The following CRYBG3 variants were observed in gnomAD, a reference collection of about 807,000 sequenced individuals.
CRYBG3 encodes the protein crystallin beta-gamma domain containing 3.
A neutral mutation model predicts 244.2 loss-of-function variants in CRYBG3; 127 were observed. That is an observed-to-expected ratio of 0.52 (90% CI 0.45 to 0.60). The LOEUF is 0.60. Among genes scored for constraint, CRYBG3 ranks in the 20% least tolerant of loss-of-function variants. CRYBG3 has a pLI of 0.00. For synonymous variants in CRYBG3, 1,132 were observed against 1,195.8 expected (o/e 0.95, Z 1.10); for missense variants, 3,325 against 3,442.5 (o/e 0.97, Z 0.85).
intron 1 of CRYBG3, among the ~76,000 whole-genome samples, chr3:97,824,935 G>C (rs2038558935): frequency 6.6e-6 from 1 of 152,178 alleles, no homozygotes; most frequent in Non-Finnish European, 1.5e-5. Flanking sequence ...AGTGATAGGG[G>C]AGACCAGGAA....
intron 19 of CRYBG3, 74 bp from the exon 20 acceptor site, chr3:97,941,074 A>G: frequency 7.7e-7 from 1 of 1,304,838 alleles, no homozygotes; most frequent in African/African-American, 1.5e-5. Flanking sequence ...TTTCCCTCCC[A>G]GCTTTCCTCC....
rs1016598781 is a variant in CRYBG3 at position 97,943,640 on chromosome 3, C to T, written c.*326C>T. The T allele has an allele frequency of 6.6e-5, 18 of 273,854 alleles. No homozygotes were observed. The highest frequency in any genetic ancestry group is 3.5e-4 in the African/African-American group (15 of 43,304). 17.0% of individuals were successfully genotyped at this position (273,854 alleles called of 1,614,324 possible). A position where few individuals can be genotyped will look rare whatever the true frequency, so the allele number is the denominator to read the frequency against. On this transcript the variant is annotated 3_prime_UTR_variant, in exon 22 of 22. Transcript: ENST00000389622. Reference sequence around the variant, plus strand: ...AACGTGAATCCTGTTCCTGATGGCCCGTTATTGGACACTGGTGATGCTATT... The same window carrying T: ...AACGTGAATCCTGTTCCTGATGGCCTGTTATTGGACACTGGTGATGCTATT...
chr3:97,880,023 A>G lies in CRYBG3; in HGVS notation c.6927A>G (p.Gln2309=), dbSNP rs774456851. 32 of 1,598,358 alleles carry G rather than the reference A, an allele frequency of 2.0e-5. No homozygotes were observed. Among genetic ancestry groups the G allele is most frequent in the Non-Finnish European group, 2.7e-5 (31 of 1,168,536 alleles). Residue 2309 remains glutamine, a synonymous_variant, in exon 6 of 22, where the codon CAA becomes CAG. Coordinates refer to ENST00000389622, the MANE Select transcript of CRYBG3 (RefSeq NM_153605.4). ...IYDLHESTYK[Q]EVYCNIPDAT... Reference sequence around the variant, plus strand: ...ATCTCCATGAAAGTACATATAAACAAGAAGTCTACTGTAATATTCCTGATG... The same window carrying G: ...ATCTCCATGAAAGTACATATAAACAGGAAGTCTACTGTAATATTCCTGATG...
chr3:97,822,455 T>G, intron 1 of CRYBG3, 100 bp downstream of exon 1: 1 of 1,149,686 alleles, frequency 8.7e-7, no homozygotes, highest in Non-Finnish European at 1.2e-6. Flanking sequence ...TGGGCCAGGC[T>G]GCAGTTCGCT....
rs759904507 is a variant in CRYBG3 at position 97,832,174 on chromosome 3, A to G, written c.149+9819A>G. ...TCAATGCTATTGCCATCAAGCTACCATTGACTTTCTTCACAGAATTAGAAA... is the reference window on the plus strand; with the variant it reads ...TCAATGCTATTGCCATCAAGCTACCGTTGACTTTCTTCACAGAATTAGAAA... On this transcript the variant is annotated intron_variant, in intron 1 of 21. Coordinates refer to ENST00000389622, the MANE Select transcript of CRYBG3 (RefSeq NM_153605.4). Among the ~76,000 whole-genome samples, 7 of 150,134 alleles carry G rather than the reference A, an allele frequency of 4.7e-5. No homozygotes were observed. In the Admixed American group the frequency reaches 4.7e-4, roughly 10 times the overall value.
intron 15 of CRYBG3, among the ~76,000 whole-genome samples, chr3:97,904,796 G>A (rs1443032323): frequency 6.7e-6 from 1 of 148,712 alleles, no homozygotes; most frequent in African/African-American, 2.5e-5. Context: ...GTGCAGGTTA[G>A]TTACATATGT....
chr3:97,888,592 G>T, intron 9 of CRYBG3, 137 bp downstream of exon 9: 1 of 669,796 alleles, frequency 1.5e-6, no homozygotes. Context: ...TTGTACTGTA[G>T]TGCCTTCAGT....
At chr3:97,838,255 T>A (rs1430017285) in intron 1 of CRYBG3, among the ~76,000 whole-genome samples, 4 of 152,168 alleles carry the variant, frequency 2.6e-5, no homozygotes, top group Non-Finnish European at 5.9e-5. Context: ...GGTAGTGTTT[T>A]CTAAATAATT....
chr3:97,872,604 A>G lies in CRYBG3; in HGVS notation c.1410A>G (p.Pro470=). The part of the protein sequence containing the change: ...KSIRHEHLQL[P]ESECSDKQTI... Reference sequence around the variant, plus strand: ...TTAGGCATGAACATCTGCAGTTGCCAGAGAGTGAGTGTTCTGACAAGCAAA... The same window carrying G: ...TTAGGCATGAACATCTGCAGTTGCCGGAGAGTGAGTGTTCTGACAAGCAAA... Residue 470 remains proline, a synonymous_variant, in exon 4 of 22, where the codon CCA becomes CCG. Transcript: ENST00000389622. 1 of 1,535,998 alleles carries G rather than the reference A, an allele frequency of 6.5e-7. No individual in the cohort carries two copies.
In CRYBG3 at chr3:97,878,617, A is replaced by G. The variant is rs549321264; in HGVS notation, c.6843+580A>G. On this transcript the variant is annotated intron_variant, in intron 4 of 21. Coordinates refer to ENST00000389622, the MANE Select transcript of CRYBG3 (RefSeq NM_153605.4). ...TGAAGTCTTTTGCTAATATTTTTCA[A>G]ACTAAATTAAGTGACAACATTCCAA... Among the ~76,000 whole-genome samples the G allele has an allele frequency of 2.0e-5, 3 of 152,316 alleles. No homozygotes were observed. The East Asian group carries it at 5.8e-4, about 29-fold the overall frequency.
chr3:97,934,169 G>C (rs2040133260), intron 18 of CRYBG3, among the ~76,000 whole-genome samples: 1 of 152,052 alleles, frequency 6.6e-6, no homozygotes, highest in Non-Finnish European at 1.5e-5. Context: ...AGTTCCTCCA[G>C]GGTACTCACT....
chr3:97,825,004 A>G (rs549196549), intron 1 of CRYBG3, among the ~76,000 whole-genome samples: 12 of 152,294 alleles, frequency 7.9e-5, no homozygotes, highest in Admixed American at 3.9e-4. Flanking sequence ...ATGTTTCTAT[A>G]CAAAGAGAAC....
chr3:97,868,527 T>C (rs1000751718), intron 3 of CRYBG3, among the ~76,000 whole-genome samples: 2 of 152,178 alleles, frequency 1.3e-5, no homozygotes, highest in Non-Finnish European at 2.9e-5. Flanking sequence ...ATGTATGTTT[T>C]AATTACAAGT....
Position 97,852,850 on chromosome 3 carries a change from T to A in CRYBG3, c.216+9589T>A, listed in dbSNP as rs545953914. ...ACTCACCAGCATTTGTTACTTTTTG[T>A]CTTTGTGATAGTAGCCATTCTAACT... On this transcript the variant is annotated intron_variant, in intron 2 of 21. Coordinates refer to ENST00000389622, the MANE Select transcript of CRYBG3 (RefSeq NM_153605.4). 3.9e-5 allele frequency among the ~76,000 whole-genome samples: 6 copies of A among 152,274 alleles called. No individual in the cohort carries two copies. The South Asian group carries it at 1.0e-3, about 26-fold the overall frequency.
chr3:97,840,792 T>A (rs1409025334), intron 1 of CRYBG3: 1 of 152,122 alleles, frequency 6.6e-6, no homozygotes, highest in Non-Finnish European at 1.5e-5. Context: ...AGTTTTTAGG[T>A]AGATCATTCA....
chr3:97,937,663 G>A (rs535012623), intron 19 of CRYBG3, among the ~76,000 whole-genome samples: 3 of 151,972 alleles, frequency 2.0e-5, no homozygotes, highest in Non-Finnish European at 4.4e-5. Context: ...GGTTGGATCG[G>A]GGTCTCTCCC....
chr3:97,917,813 T>C (rs2039944073), intron 17 of CRYBG3, among the ~76,000 whole-genome samples: 1 of 152,102 alleles, frequency 6.6e-6, no homozygotes, highest in Non-Finnish European at 1.5e-5. Flanking sequence ...GATTAGCCTG[T>C]AGGCTAATGT....
chr3:97,906,637 G>C (rs1474059597), intron 15 of CRYBG3, among the ~76,000 whole-genome samples: 3 of 139,970 alleles, frequency 2.1e-5, no homozygotes, highest in Non-Finnish European at 4.6e-5. Context: ...AGCTTAAGGA[G>C]ATTTTGGGCT....
At chr3:97,924,393 A>T in intron 17 of CRYBG3, 1 of 454,796 alleles carries the variant, frequency 2.2e-6, no homozygotes, top group South Asian at 1.6e-5. Context: ...CAGAAAAAGC[A>T]CAAATGAATA....
Sources: allele counts gnomAD v4.1 joint callset (sites outside exome capture counted in the v4.1 genomes callset), GRCh38; gene constraint gnomAD v4.1.1; transcripts MANE v1.5; gene names NCBI Gene and HGNC (gene_info 2026-07-23, HGNC 2026-07-21).